Variants in USP46 observed in about 807,000 individuals in gnomAD.
The protein encoded by USP46 is ubiquitin specific peptidase 46.
Under a neutral mutation model 44.4 loss-of-function variants are expected in USP46, and 12 were observed. The ratio of observed to expected loss-of-function variants is 0.27; its 90% CI spans 0.17 to 0.44. The LOEUF is 0.44. Ranked by LOEUF, USP46 falls within the 20% of genes least tolerant of loss-of-function variation. USP46 has a pLI of 1.00. For missense variants in USP46, 248 were observed against 444.8 expected (o/e 0.56, Z 3.98); for synonymous variants, 155 against 161.5 (o/e 0.96, Z 0.31).
At chr4:52,631,213 G>T in intron 1 of USP46, 69 bp from the exon 2 acceptor site, 1 of 1,244,362 alleles carries the variant, frequency 8.0e-7, no homozygotes. Flanking sequence ...ATACCTAAAA[G>T]AGTCTACTAT....
intron 5 of USP46, 129 bp from the exon 6 acceptor site, chr4:52,604,713 A>G: frequency 1.6e-6 from 1 of 635,088 alleles, no homozygotes; most frequent in East Asian, 3.2e-5. Flanking sequence ...TCAGAAAAAA[A>G]TCCTACTTAA....
chr4:52,635,579 G>A (rs1464735110), intron 1 of USP46, among the ~76,000 whole-genome samples: 4 of 152,018 alleles, frequency 2.6e-5, no homozygotes, highest in African/African-American at 9.7e-5. Context: ...TATTAGACAG[G>A]GACTCCCCCA....
At chr4:52,598,482 C>A in intron 8 of USP46, 146 bp downstream of exon 8, 1 of 760,220 alleles carries the variant, frequency 1.3e-6, no homozygotes. Flanking sequence ...TGGGGATTAG[C>A]AGAATTTGGT....
At chr4:52,631,605 T>A (rs749800701) in intron 1 of USP46, among the ~76,000 whole-genome samples, 1 of 152,224 alleles carries the variant, frequency 6.6e-6, no homozygotes, top group Non-Finnish European at 1.5e-5. Flanking sequence ...TGGGCATGGA[T>A]AACAGAACAG....
Position 52,632,977 on chromosome 4 carries a change from AAAGAAAGAAAAGAAAAGAAAGAAAGAAAG to A in USP46, c.37-1862_37-1834del, listed in dbSNP as rs1560406051. 9.1e-4 allele frequency among the ~76,000 whole-genome samples: 76 copies of A among 83,786 alleles called. 2 individuals are homozygous for A. Among genetic ancestry groups the A allele is most frequent in the African/African-American group, 3.9e-3 (65 of 16,692 alleles). 55.0% of individuals were successfully genotyped at this position (83,786 alleles called of 152,430 possible). A position where few individuals can be genotyped will look rare whatever the true frequency, so the allele number is the denominator to read the frequency against. ...GAAAGAAAGAAAGAAAGAAAGAAAG[AAAGAAAGAAAAGAAAAGAAAGAAAGAAAG>A]AAAGAAAGAAAGAAAGAAAGAAAAA... On this transcript the variant is annotated intron_variant, in intron 1 of 8. Coordinates refer to ENST00000441222, the MANE Select transcript of USP46 (RefSeq NM_022832.4).
intron 5 of USP46, among the ~76,000 whole-genome samples, chr4:52,608,997 T>G (rs575845434): frequency 6.6e-6 from 1 of 152,274 alleles, no homozygotes; most frequent in Admixed American, 6.5e-5. Flanking sequence ...AAACTTCACA[T>G]AGTTTAAGTT....
At chr4:52,651,140 TAA>T (rs1718756524) in intron 1 of USP46, 1 of 151,470 alleles carries the variant, frequency 6.6e-6, no homozygotes, top group Non-Finnish European at 1.5e-5. Context: ...CAGAAAAAGT[TAA>T]GTTACTAGCT....
intron 1 of USP46, among the ~76,000 whole-genome samples, chr4:52,641,768 A>C (rs1274248564): frequency 6.6e-6 from 1 of 152,230 alleles, no homozygotes; most frequent in Non-Finnish European, 1.5e-5. Flanking sequence ...GATCTTTCTA[A>C]GGCACCTCAT....
At chr4:52,629,789 A>G in intron 2 of USP46, 1 of 454,402 alleles carries the variant, frequency 2.2e-6, no homozygotes, top group Non-Finnish European at 4.4e-6. Flanking sequence ...ATTATCACCC[A>G]AAGGGTAGAA....
intron 4 of USP46, among the ~76,000 whole-genome samples, chr4:52,617,370 G>A (rs550749916): frequency 6.6e-6 from 1 of 152,268 alleles, no homozygotes; most frequent in South Asian, 2.1e-4. Context: ...ATACAAAGAA[G>A]GTAATAAAAA....
intron 5 of USP46, among the ~76,000 whole-genome samples, chr4:52,606,132 C>T (rs1716679158): frequency 6.6e-6 from 1 of 152,186 alleles, no homozygotes; most frequent in South Asian, 2.1e-4. Context: ...CACAATGGAA[C>T]ACATTAATAT....
At chr4:52,656,439 G>A in intron 1 of USP46, 3 of 1,432,992 alleles carry the variant, frequency 2.1e-6, no homozygotes, top group Non-Finnish European at 2.8e-6. Flanking sequence ...GGGGGCGGTG[G>A]GTGGGGGATT....
chr4:52,651,091 C>CAAAAAAAAA (rs60601189), intron 1 of USP46: 2 of 59,318 alleles, frequency 3.4e-5, no homozygotes, highest in African/African-American at 5.9e-5. Flanking sequence ...GACTCCATCT[C>CAAAAAAAAA]AAAAAAAAAA....
At chr4:52,601,516 T>C (rs1716471389) in intron 7 of USP46, among the ~76,000 whole-genome samples, 1 of 152,258 alleles carries the variant, frequency 6.6e-6, no homozygotes, top group African/African-American at 2.4e-5. Context: ...TTTGAGATCA[T>C]ACTGTAAATG....
At chr4:52,641,890 T>A (rs1039424231) in intron 1 of USP46, among the ~76,000 whole-genome samples, 5 of 152,222 alleles carry the variant, frequency 3.3e-5, no homozygotes, top group African/African-American at 1.2e-4. Context: ...GAATAAGTCA[T>A]TAATTATAGA....
intron 1 of USP46, chr4:52,656,214 G>A: frequency 7.0e-7 from 1 of 1,422,082 alleles, no homozygotes; most frequent in Non-Finnish European, 9.7e-7. Flanking sequence ...AAACCAGCTG[G>A]GACCAAAGTT....
intron 1 of USP46, 99 bp from the exon 2 acceptor site, chr4:52,631,243 G>A: frequency 1.2e-6 from 1 of 850,850 alleles, no homozygotes; most frequent in South Asian, 1.7e-5. Context: ...CATCTTCCCT[G>A]GTCAACACGG....
intron 1 of USP46, among the ~76,000 whole-genome samples, chr4:52,648,750 A>C (rs1005537856): frequency 3.3e-5 from 5 of 152,206 alleles, no homozygotes; most frequent in African/African-American, 1.2e-4. Context: ...TTCATGAGGC[A>C]GGGAAACCCA....
chr4:52,604,381 C>T, intron 6 of USP46, 120 bp downstream of exon 6: 1 of 779,434 alleles, frequency 1.3e-6, no homozygotes, highest in African/African-American at 1.8e-5. Context: ...CTGACTTCCC[C>T]AAGGCTCCAT....
Sources: allele counts gnomAD v4.1 joint callset (sites outside exome capture counted in the v4.1 genomes callset), GRCh38; gene constraint gnomAD v4.1.1; transcripts MANE v1.5; gene names NCBI Gene and HGNC (gene_info 2026-07-23, HGNC 2026-07-21).